Variants in BEND6 observed in about 807,000 individuals in gnomAD.
BEND6 encodes the protein BEN domain containing 6.
In BEND6, 24 loss-of-function variants were observed where a neutral mutation model predicts 31.8. That is an observed-to-expected ratio of 0.75 (90% confidence interval 0.55 to 1.06). The LOEUF (loss-of-function observed/expected upper bound fraction) is 1.06. BEND6 is among the 50% of genes least tolerant of loss of function. BEND6 has a pLI of 0.00. For missense variants in BEND6, 294 were observed against 327.4 expected (o/e 0.90, Z 0.79); for synonymous variants, 109 against 114.6 (o/e 0.95, Z 0.31).
chr6:56,975,638 A>G (rs1227487989), intron 1 of BEND6: 2 of 385,390 alleles, frequency 5.2e-6, no homozygotes, highest in African/African-American at 2.1e-5. Flanking sequence ...TTTCATTCTC[A>G]TGAAAACTCT....
intron 6 of BEND6, among the ~76,000 whole-genome samples, chr6:57,023,063 G>A (rs1053104550): frequency 1.3e-5 from 2 of 152,124 alleles, no homozygotes; most frequent in African/African-American, 2.4e-5. Flanking sequence ...TCTGGAGAAC[G>A]TGCCATGTGT....
intron 1 of BEND6, among the ~76,000 whole-genome samples, chr6:56,980,146 A>G (rs1395925418): frequency 6.6e-6 from 1 of 152,180 alleles, no homozygotes; most frequent in Non-Finnish European, 1.5e-5. Flanking sequence ...ATCTCTTCCT[A>G]CTTTGCCTAT....
At chr6:56,968,268 C>T (rs1182958339) in intron 1 of BEND6, among the ~76,000 whole-genome samples, 1 of 151,258 alleles carries the variant, frequency 6.6e-6, no homozygotes, top group Non-Finnish European at 1.5e-5. Flanking sequence ...CTATAGCCCC[C>T]TCAAGCATAA....
intron 3 of BEND6, chr6:57,004,799 A>G (rs940022662): frequency 1.2e-6 from 1 of 857,678 alleles, no homozygotes; most frequent in Admixed American, 1.7e-5. Flanking sequence ...GAATTGGGTG[A>G]CCAATTAGGA....
chr6:56,989,302 T>A (rs959113012), intron 2 of BEND6, among the ~76,000 whole-genome samples: 4 of 152,268 alleles, frequency 2.6e-5, no homozygotes, highest in Non-Finnish European at 4.4e-5. Flanking sequence ...TTGGCTATAA[T>A]TTATTCACTA....
intron 6 of BEND6, among the ~76,000 whole-genome samples, chr6:57,022,164 C>CTTTTTTTTTTTTTTTTTTTTTTT (rs57185788): frequency 2.7e-5 from 3 of 111,188 alleles, no homozygotes; most frequent in African/African-American, 6.3e-5. Context: ...TTTTCTTTTT[C>CTTTTTTTTTTTTTTTTTTTTTTT]TTTTTTTTTT....
At chr6:56,963,932 A>G (rs935591199) in intron 1 of BEND6, among the ~76,000 whole-genome samples, 7 of 147,812 alleles carry the variant, frequency 4.7e-5, no homozygotes, top group African/African-American at 1.7e-4. Flanking sequence ...TTATAAAATA[A>G]AATATTTTTG....
Position 56,986,081 on chromosome 6 carries a change from T to A in BEND6, c.120+4151T>A, listed in dbSNP as rs1213373356. Among the ~76,000 whole-genome samples, 3 of 152,330 alleles carry A rather than the reference T, an allele frequency of 2.0e-5. No homozygotes were observed. In the East Asian group the frequency reaches 5.8e-4, roughly 29 times the overall value. ...GTATCAATAGGCTATCTTCAGTTTT[T>A]AAAAATTTCTTATTTCTATTTAATC... is the stretch of plus-strand genomic sequence containing the variant. On this transcript the variant is annotated intron_variant, in intron 2 of 6. Coordinates refer to ENST00000370746, the MANE Select transcript of BEND6 (RefSeq NM_152731.3).
At chr6:57,006,640 G>T (rs192784182) in intron 3 of BEND6, among the ~76,000 whole-genome samples, 1 of 152,172 alleles carries the variant, frequency 6.6e-6, no homozygotes, top group African/African-American at 2.4e-5. Flanking sequence ...AATAAATTTT[G>T]TCTTTAAAAA....
At chr6:56,997,644 C>G (rs1179438436) in intron 3 of BEND6, among the ~76,000 whole-genome samples, 1 of 152,180 alleles carries the variant, frequency 6.6e-6, no homozygotes, top group East Asian at 1.9e-4. Context: ...AGCTCCGCCT[C>G]CCAGGTTCAC....
At chr6:56,957,804 G>A (rs1251029567) in intron 1 of BEND6, among the ~76,000 whole-genome samples, 3 of 152,194 alleles carry the variant, frequency 2.0e-5, no homozygotes, top group African/African-American at 4.8e-5. Context: ...AGATAGCTAA[G>A]AGAGTTTGAT....
Position 56,981,797 on chromosome 6 carries a change from A to C in BEND6, c.-14A>C. 6.2e-7 allele frequency: 1 copy of C among 1,611,294 alleles called. No individual in the cohort carries two copies. Among genetic ancestry groups the C allele is most frequent in the Middle Eastern group, 1.7e-4 (1 of 6,042 alleles). On this transcript the variant is annotated 5_prime_UTR_variant, in exon 2 of 7. Coordinates refer to ENST00000370746, the MANE Select transcript of BEND6 (RefSeq NM_152731.3). ...CCTAGGATTTCAGAAAACCTTTGAT[A>C]ACTAATTGAGAAAATGCAGAAGATC... is the stretch of plus-strand genomic sequence containing the variant.
intron 1 of BEND6, among the ~76,000 whole-genome samples, chr6:56,965,291 TTTA>T (rs1217445798): frequency 1.3e-4 from 20 of 152,176 alleles, no homozygotes; most frequent in Non-Finnish European, 2.6e-4. Flanking sequence ...CTTAAGATGA[TTTA>T]TTAAGTAAAT....
Position 56,959,251 on chromosome 6 carries a change from C to G in BEND6, c.-101+3791C>G, listed in dbSNP as rs560715803. On this transcript the variant is annotated intron_variant, in intron 1 of 6. Transcript: ENST00000370746. ...CTGACTAGTTAGGATGGCTCCATGC[C>G]CATGGTTTCTTCCCCATCTAATCTG... Among the ~76,000 whole-genome samples, 4 of 152,228 alleles carry G rather than the reference C, an allele frequency of 2.6e-5. No homozygotes were observed. In the South Asian group the frequency reaches 8.3e-4, roughly 32 times the overall value.
chr6:56,970,511 C>T (rs1228717301), intron 1 of BEND6, among the ~76,000 whole-genome samples: 3 of 152,136 alleles, frequency 2.0e-5, no homozygotes, highest in Non-Finnish European at 4.4e-5. Flanking sequence ...TGGCTGTGTT[C>T]ATGTTTCATC....
chr6:56,982,096 T>A (rs772367593), intron 2 of BEND6, among the ~76,000 whole-genome samples, 166 bp downstream of exon 2: 11 of 152,336 alleles, frequency 7.2e-5, no homozygotes, highest in African/African-American at 2.6e-4. Context: ...TTTTTAAAAA[T>A]GTTTTGTAGA....
intron 6 of BEND6, among the ~76,000 whole-genome samples, chr6:57,021,964 G>A (rs1827757793): frequency 6.6e-6 from 1 of 152,010 alleles, no homozygotes. Flanking sequence ...TCAGAGGCCA[G>A]GGATGCTGCT....
Position 56,988,251 on chromosome 6 carries a change from C to T in BEND6, c.121-4127C>T, listed in dbSNP as rs569560701. Among the ~76,000 whole-genome samples the T allele has an allele frequency of 5.9e-5, 9 of 151,996 alleles. No individual in the cohort carries two copies. In the South Asian group the frequency reaches 1.9e-3, roughly 32 times the overall value. ...CAGGATGGTCTCGATTTCCTGACCT[C>T]GTGATCCGCCAGCCACGGCCTCCCA... On this transcript the variant is annotated intron_variant, in intron 2 of 6. Transcript: ENST00000370746.
chr6:57,022,638 G>T (rs1279219643), intron 6 of BEND6, among the ~76,000 whole-genome samples: 1 of 150,444 alleles, frequency 6.6e-6, no homozygotes, highest in Non-Finnish European at 1.5e-5. Flanking sequence ...TTGTTTTTTG[G>T]CTCTGATCTT....
Sources: gnomAD v4.1 joint callset for allele counts (sites outside exome capture counted in the v4.1 genomes callset) on GRCh38, gnomAD v4.1.1 for gene constraint, MANE v1.5 for transcripts, NCBI Gene and HGNC (gene_info 2026-07-23, HGNC 2026-07-21) for gene names.